Variants in USF3 observed in about 807,000 individuals in gnomAD.
USF3 encodes the protein basic helix-loop-helix domain-containing protein USF3.
USF3 carries 29 observed loss-of-function variants against 157.5 expected under a neutral mutation model. The ratio of observed to expected loss-of-function variants is 0.18; its 90% CI spans 0.14 to 0.25. USF3 has a LOEUF of 0.25. Among genes scored for constraint, USF3 ranks in the 10% least tolerant of loss-of-function variants. USF3 has a pLI of 1.00. For missense variants in USF3, 2,381 were observed against 2,667.6 expected (o/e 0.89, Z 2.37); for synonymous variants, 893 against 941.4 (o/e 0.95, Z 0.94).
At chr3:113,683,757 G>A (rs539515810) in intron 1 of USF3, among the ~76,000 whole-genome samples, 7 of 151,936 alleles carry the variant, frequency 4.6e-5, no homozygotes, top group South Asian at 2.1e-4. Context: ...GTGAGCCACC[G>A]TGCCCAGCCC....
intron 1 of USF3, among the ~76,000 whole-genome samples, chr3:113,692,059 T>C (rs1707698134): frequency 6.6e-6 from 1 of 152,166 alleles, no homozygotes; most frequent in Non-Finnish European, 1.5e-5. Flanking sequence ...ATAAGGAACA[T>C]GCAACCTAGA....
At chr3:113,664,808 G>T (rs930987466) in intron 5 of USF3, among the ~76,000 whole-genome samples, 1 of 152,166 alleles carries the variant, frequency 6.6e-6, no homozygotes, top group Non-Finnish European at 1.5e-5. Flanking sequence ...CTTATCCCCA[G>T]TGTGATGGTT....
intron 1 of USF3, among the ~76,000 whole-genome samples, chr3:113,688,272 C>T (rs1423836281): frequency 1.3e-5 from 2 of 152,198 alleles, no homozygotes; most frequent in Non-Finnish European, 2.9e-5. Flanking sequence ...GCACTCGCCA[C>T]CACACCCGGC....
rs778183187 is a variant in USF3, at chr3:113,656,426, T to C, written c.5256A>G (p.Val1752=). ...ASQQPQSNFE[V]QSSRNNEIGN... ...CTATTTCATTGTTTCTTGAAGATTGTACTTCAAAATTACTCTGGGGCTGTT... is the reference window on the plus strand; with the variant it reads ...CTATTTCATTGTTTCTTGAAGATTGCACTTCAAAATTACTCTGGGGCTGTT... The change falls in exon 7 of 7, where the codon GTA becomes GTG. Residue 1752 remains valine (V), a synonymous_variant. Transcript: ENST00000316407. 5 of 1,614,084 alleles carry C rather than the reference T, an allele frequency of 3.1e-6. No homozygotes were observed. Among genetic ancestry groups the C allele is most frequent in the African/African-American group, 2.7e-5 (2 of 74,938 alleles).
At chr3:113,689,925 CTT>C (rs1166294740) in intron 1 of USF3, among the ~76,000 whole-genome samples, 3 of 152,140 alleles carry the variant, frequency 2.0e-5, no homozygotes, top group Admixed American at 6.5e-5. Flanking sequence ...CCAACAATCT[CTT>C]CTCTTTTTCA....
At chr3:113,690,119 C>G (rs998637191) in intron 1 of USF3, among the ~76,000 whole-genome samples, 1 of 152,222 alleles carries the variant, frequency 6.6e-6, no homozygotes, top group Non-Finnish European at 1.5e-5. Context: ...ATTCCCTTTT[C>G]TCTTAAGAGA....
At chr3:113,673,895 C>G (rs1021129492) in intron 3 of USF3, among the ~76,000 whole-genome samples, 1 of 152,188 alleles carries the variant, frequency 6.6e-6, no homozygotes, top group African/African-American at 2.4e-5. Context: ...TTGTGTACCT[C>G]AGGTTGTCCA....
chr3:113,678,200 T>A lies in USF3; in HGVS notation c.-134-803A>T, dbSNP rs897832824. Among the ~76,000 whole-genome samples the A allele has an allele frequency of 4.6e-5, 7 of 152,284 alleles. No individual in the cohort carries two copies. The East Asian group carries it at 1.2e-3, about 25-fold the overall frequency. On this transcript the variant is annotated intron_variant, in intron 1 of 6. Transcript: ENST00000316407. ...AGCTGGAAACACAGGCAGTTACCTT[T>A]AACTGGTGAAAGTTCAAGCATCTGA...
In USF3 at chr3:113,670,107, A is replaced by C. The variant is rs545991145; in HGVS notation, c.159+14T>G. 8.4e-6 allele frequency: 13 copies of C among 1,549,192 alleles called. No homozygotes were observed. In the East Asian group the frequency reaches 2.7e-4, roughly 32 times the overall value. ...TTCATAAGTAATGAATGAAGATATG[A>C]GTAGACTTCTTACCTGCTTCAGGGC... On this transcript the variant is annotated intron_variant, in intron 5 of 6. Coordinates refer to ENST00000316407, the MANE Select transcript of USF3 (RefSeq NM_001009899.4).
At chr3:113,673,778 G>A (rs1039139903) in intron 3 of USF3, among the ~76,000 whole-genome samples, 8 of 152,244 alleles carry the variant, frequency 5.3e-5, no homozygotes, top group Non-Finnish European at 1.0e-4. Context: ...GTGTGCGTGT[G>A]CAGGAGACAC....
At chr3:113,675,160 T>C (rs1277061165) in intron 2 of USF3, among the ~76,000 whole-genome samples, 1 of 152,142 alleles carries the variant, frequency 6.6e-6, no homozygotes, top group East Asian at 1.9e-4. Context: ...AAAAGATCAC[T>C]GCAGGCTTGG....
rs1947442138 is a variant in USF3 at position 113,659,672 on chromosome 3, G to A, written c.2010C>T (p.Leu670=). The change falls in exon 7 of 7, where the codon CTC becomes CTT. Residue 670 remains leucine, a synonymous_variant. Transcript: ENST00000316407. ...QPQTISLNGQ[L]FALQPVMSSS... ...AAGACATCACAGGCTGCAAAGCAAAGAGCTGTCCATTTAAAGAAATGGTTT... is the reference window on the plus strand; with the variant it reads ...AAGACATCACAGGCTGCAAAGCAAAAAGCTGTCCATTTAAAGAAATGGTTT... The A allele has an allele frequency of 1.2e-6, 2 of 1,614,214 alleles. No individual in the cohort carries two copies. The highest frequency in any genetic ancestry group is 1.7e-6 in the Non-Finnish European group (2 of 1,180,022).
Position 113,657,445 on chromosome 3 carries a change from A to G in USF3, c.4237T>C (p.Leu1413=), listed in dbSNP as rs1577028111. The change falls in exon 7 of 7, where the codon TTG becomes CTG. Residue 1413 remains leucine (L), a synonymous_variant. Coordinates refer to ENST00000316407, the MANE Select transcript of USF3 (RefSeq NM_001009899.4). ...CCACACTGAACTTCAGTTTGCCTCA[A>G]TGCAGGAGTCACAAAGTTGTTACTA... ...PPSNNFVTPA[L]RQTEVQCGSQ... 6.2e-7 allele frequency: 1 copy of G among 1,614,190 alleles called. No homozygotes were observed. Among genetic ancestry groups the G allele is most frequent in the South Asian group, 1.1e-5 (1 of 91,084 alleles).
intron 1 of USF3, among the ~76,000 whole-genome samples, chr3:113,681,280 G>C (rs1024463697): frequency 6.6e-6 from 1 of 151,678 alleles, no homozygotes; most frequent in Non-Finnish European, 1.5e-5. Flanking sequence ...TGCCCAGCCT[G>C]AAGTTTTTCT....
In USF3 at chr3:113,670,190, T is replaced by C; in HGVS notation, c.90A>G (p.Arg30=). ...RETHNAVERH[R]KKKINAGINR... ...TTATCCCAGCATTAATTTTCTTCTT[T>C]CTATGCCTCTCCACTAGATGGGAGA... Residue 30 remains arginine (R), a synonymous_variant, in exon 5 of 7, where the codon AGA becomes AGG. Transcript: ENST00000316407. 4 of 1,609,010 alleles carry C rather than the reference T, an allele frequency of 2.5e-6. No homozygotes were observed.
At chr3:113,669,542 T>G (rs1368745585) in intron 5 of USF3, among the ~76,000 whole-genome samples, 4 of 152,154 alleles carry the variant, frequency 2.6e-5, no homozygotes, top group Non-Finnish European at 1.5e-5. Context: ...TTTTGTGCCT[T>G]TCGTATTGTT....
chr3:113,655,977 G>A lies in USF3; in HGVS notation c.5705C>T (p.Ser1902Phe), dbSNP rs1215689335. The change falls in exon 7 of 7, where the codon TCC becomes TTC. Residue 1902 changes from serine to phenylalanine, a missense_variant. Physicochemically the swap from Ser to Phe is radical, Grantham distance 155 (BLOSUM62 -2). This residue lies in a region of USF3 where 770 missense variants were observed against 824.2 expected (regional missense o/e 0.93). Coordinates refer to ENST00000316407, the MANE Select transcript of USF3 (RefSeq NM_001009899.4). ...TLNIPFSSSSSSGDIQGRNTS... is the reference protein window; with the variant it reads ...TLNIPFSSSSFSGDIQGRNTS... ...GTTTCGACCTTGAATATCTCCTGAG[G>A]AAGAGGAACTTGAAAAAGGAATATT... The A allele has an allele frequency of 1.9e-6, 3 of 1,614,062 alleles. No individual in the cohort carries two copies. The highest frequency in any genetic ancestry group is 1.3e-5 in the African/African-American group (1 of 74,924).
rs1448898855 is a variant in USF3 at position 113,660,967 on chromosome 3, G to C, written c.715C>G (p.Leu239Val). Residue 239 changes from leucine to valine, a missense_variant, in exon 7 of 7, where the codon CTT (leucine) becomes GTT (valine). Physicochemically the swap from Leu to Val is conservative, Grantham distance 32. Around this residue, in one of 6 missense-constraint regions of USF3, gnomAD observed 1,435 missense variants for 1,550.9 expected, o/e 0.93. Coordinates refer to ENST00000316407, the MANE Select transcript of USF3 (RefSeq NM_001009899.4). ...AAISAQSILE[L>V]PTSESESNVL... ...TTTGATTCGCTTTCAGAGGTGGGAA[G>C]CTCGAGAATACTCTGAGCAGAAATG... 1 of 1,614,054 alleles carries C rather than the reference G, an allele frequency of 6.2e-7. No individual in the cohort carries two copies.
At chr3:113,688,783 G>T (rs1299556063) in intron 1 of USF3, among the ~76,000 whole-genome samples, 2 of 152,204 alleles carry the variant, frequency 1.3e-5, no homozygotes, top group Non-Finnish European at 2.9e-5. Context: ...GCTCACGCCT[G>T]TAACCCCAGC....
Sources: allele counts gnomAD v4.1 joint callset (sites outside exome capture counted in the v4.1 genomes callset), GRCh38; gene constraint gnomAD v4.1.1; regional missense constraint gnomAD v4.1.1; transcripts MANE v1.5; gene names NCBI Gene and HGNC (gene_info 2026-07-23, HGNC 2026-07-21).